Variants in PIK3C2G observed in about 807,000 individuals in gnomAD.
PIK3C2G encodes the protein phosphatidylinositol 3-kinase C2 domain-containing subunit gamma.
A neutral mutation model predicts 181.1 loss-of-function variants in PIK3C2G; 168 were observed. That is an observed-to-expected ratio of 0.93 (90% CI 0.82 to 1.05). The LOEUF (loss-of-function observed/expected upper bound fraction) is 1.05. PIK3C2G is among the 50% of genes least tolerant of loss of function. The probability of loss-of-function intolerance (pLI) is 0.00; values close to 1 mark genes in which losing one functional copy is unlikely to be tolerated. For synonymous variants in PIK3C2G, 573 were observed against 592.2 expected (o/e 0.97, Z 0.47); for missense variants, 1,869 against 1,732.8 (o/e 1.08, Z -1.40).
chr12:18,445,745 A>T (rs1221896388), intron 18 of PIK3C2G, among the ~76,000 whole-genome samples: 2 of 152,186 alleles, frequency 1.3e-5, no homozygotes, highest in African/African-American at 4.8e-5. Flanking sequence ...TTACTTTAGA[A>T]AGCACTCTAC....
chr12:18,648,213 C>T lies in PIK3C2G; in HGVS notation c.*185C>T, dbSNP rs943013686. The T allele has an allele frequency of 4.9e-5, 17 of 350,262 alleles. No individual in the cohort carries two copies. The highest frequency in any genetic ancestry group is 2.8e-4 in the Admixed American group (6 of 21,320). 21.7% of individuals were successfully genotyped at this position (350,262 alleles called of 1,614,324 possible). A position where few individuals can be genotyped will look rare whatever the true frequency, so the allele number is the denominator to read the frequency against. ...TCTACCTGTGCTTTCATTGTTTTTT[C>T]ATAATCTTTTCTCCTTCAGTGGAGT... On this transcript the variant is annotated 3_prime_UTR_variant, in exon 33 of 33. Coordinates refer to ENST00000538779, the MANE Select transcript of PIK3C2G (RefSeq NM_001288772.2).
At chr12:18,271,101 A>C (rs1477565090) in intron 1 of PIK3C2G, among the ~76,000 whole-genome samples, 1 of 152,102 alleles carries the variant, frequency 6.6e-6, no homozygotes, top group African/African-American at 2.4e-5. Context: ...ATACCAAGGA[A>C]TAGGAGACAG....
chr12:18,629,011 T>A (rs1390279025), intron 31 of PIK3C2G, among the ~76,000 whole-genome samples: 2 of 152,188 alleles, frequency 1.3e-5, no homozygotes. Context: ...AATATTAAAA[T>A]TGTGGTAACA....
chr12:18,690,364 C>T, the PIK3C2G span, among the ~76,000 whole-genome samples: 5 of 152,044 alleles, frequency 3.3e-5, no homozygotes, highest in Non-Finnish European at 7.4e-5. Context: ...GCTGGGATTA[C>T]AGTTGGATGC....
At chr12:18,582,542 G>T (rs970373958) in intron 29 of PIK3C2G, among the ~76,000 whole-genome samples, 1 of 152,152 alleles carries the variant, frequency 6.6e-6, no homozygotes, top group Non-Finnish European at 1.5e-5. Context: ...CTGCCAAAGC[G>T]AAAGGTTAGA....
rs1407552230 is a variant in PIK3C2G at position 18,352,856 on chromosome 12, C to T, written c.1625+6020C>T. On this transcript the variant is annotated intron_variant, in intron 11 of 32. Coordinates refer to ENST00000538779, the MANE Select transcript of PIK3C2G (RefSeq NM_001288772.2). ...CAAGCTGCATCTTGCCGATGTCAGA[C>T]TGCTGCTTCTCTTCTTTCCTTCTCT... 2.0e-5 allele frequency among the ~76,000 whole-genome samples: 3 copies of T among 152,120 alleles called. No individual in the cohort carries two copies. In the East Asian group the frequency reaches 5.8e-4, roughly 29 times the overall value.
At chr12:18,251,432 T>C (rs1473182285) in intron 1 of PIK3C2G, among the ~76,000 whole-genome samples, 1 of 152,008 alleles carries the variant, frequency 6.6e-6, no homozygotes, top group Admixed American at 6.5e-5. Context: ...AATGCATCTC[T>C]AGTAAAACTC....
At chr12:18,261,918 A>C (rs1436215355) in intron 1 of PIK3C2G, among the ~76,000 whole-genome samples, 1 of 151,954 alleles carries the variant, frequency 6.6e-6, no homozygotes, top group Non-Finnish European at 1.5e-5. Flanking sequence ...CCTTGAGCTA[A>C]TTATTTCATT....
intron 32 of PIK3C2G, among the ~76,000 whole-genome samples, chr12:18,642,732 A>T (rs1472525143): frequency 6.6e-6 from 1 of 151,816 alleles, no homozygotes; most frequent in East Asian, 1.9e-4. Context: ...TTTAACACTT[A>T]GTTACCTCTA....
At chr12:18,278,581 C>T (rs751969819) in intron 1 of PIK3C2G, among the ~76,000 whole-genome samples, 2 of 152,138 alleles carry the variant, frequency 1.3e-5, no homozygotes, top group Non-Finnish European at 2.9e-5. Flanking sequence ...GTTTTGTCTA[C>T]AAAATACATT....
intron 18 of PIK3C2G, among the ~76,000 whole-genome samples, chr12:18,446,051 G>T (rs779957195): frequency 1.4e-4 from 21 of 152,118 alleles, no homozygotes; most frequent in Non-Finnish European, 2.8e-4. Context: ...AAGAAAAGTA[G>T]ATAATTTTTG....
At chr12:18,391,065 T>A in intron 14 of PIK3C2G, 57 bp from the exon 15 acceptor site, 1 of 1,321,442 alleles carries the variant, frequency 7.6e-7, no homozygotes. Context: ...GAATATTAAA[T>A]CAATAATGTA....
At chr12:18,571,572 T>C (rs7979952) in intron 29 of PIK3C2G, among the ~76,000 whole-genome samples, 2,473 of 150,978 alleles carry the variant, frequency 0.016, 230 homozygotes, top group African/African-American at 0.058. Flanking sequence ...TTTCCCATTA[T>C]ATTGAAATTT....
At chr12:18,693,866 A>G in the PIK3C2G span, 7 of 1,532,804 alleles carry the variant, frequency 4.6e-6, no homozygotes, top group East Asian at 6.8e-5. Context: ...GAAGAAGCCC[A>G]TCTTTCAGAT....
At chr12:18,402,783 C>G (rs1048219416) in intron 16 of PIK3C2G, among the ~76,000 whole-genome samples, 4 of 152,102 alleles carry the variant, frequency 2.6e-5, no homozygotes, top group Non-Finnish European at 5.9e-5. Flanking sequence ...CTTCGTGAGT[C>G]TTCTTTATCT....
chr12:18,284,585 T>C (rs895608736), intron 2 of PIK3C2G, among the ~76,000 whole-genome samples: 4 of 152,148 alleles, frequency 2.6e-5, no homozygotes, highest in African/African-American at 9.7e-5. Flanking sequence ...GAACTTTAAA[T>C]TGGTTATTAA....
intron 15 of PIK3C2G, 80 bp from the exon 16 acceptor site, chr12:18,399,579 G>A (rs1944123649): frequency 2.5e-6 from 2 of 784,624 alleles, no homozygotes; most frequent in South Asian, 5.7e-5. Flanking sequence ...CTACAGTAAG[G>A]TTTTCTACTG....
chr12:18,297,546 ATCTTC>A (rs138699433), intron 5 of PIK3C2G, among the ~76,000 whole-genome samples: 1,712 of 152,068 alleles, frequency 0.011, 36 homozygotes, highest in African/African-American at 0.04. Flanking sequence ...GACATTTCAA[ATCTTC>A]TCTTCTAGTT....
intron 26 of PIK3C2G, among the ~76,000 whole-genome samples, chr12:18,547,799 G>A (rs75381047): frequency 0.044 from 6,755 of 152,000 alleles, 399 homozygotes; most frequent in African/African-American, 0.14. Context: ...ACATCTACTA[G>A]CAAAATCCCA....
Sources: allele counts gnomAD v4.1 joint callset (sites outside exome capture counted in the v4.1 genomes callset), GRCh38; gene constraint gnomAD v4.1.1; transcripts MANE v1.5; gene names NCBI Gene and HGNC (gene_info 2026-07-23, HGNC 2026-07-21).